Variants in SIL1 observed in about 807,000 individuals in gnomAD.
The protein encoded by SIL1 is nucleotide exchange factor SIL1.
In SIL1, 40 loss-of-function variants were observed where a neutral mutation model predicts 49.1. The observed-to-expected ratio is 0.81, with a 90% CI of 0.63 to 1.06. SIL1 has a LOEUF of 1.06. Among genes scored for constraint, SIL1 ranks in the 50% least tolerant of loss-of-function variants. The pLI is 0.00. For synonymous variants in SIL1, 253 were observed against 250.8 expected, an observed-to-expected ratio of 1.01 and a Z score of -0.08; for missense variants, 500 against 572.6, an observed-to-expected ratio of 0.87 and a Z score of 1.29.
intron 1 of SIL1, among the ~76,000 whole-genome samples, chr5:139,183,743 T>C (rs2151820749): frequency 6.6e-6 from 1 of 152,276 alleles, no homozygotes; most frequent in African/African-American, 2.4e-5. Context: ...GCAGGCTGTG[T>C]ATGGTAAGAA....
rs1218867998 is a variant in SIL1, at chr5:138,967,075, A to G, written c.768-15191T>C. On this transcript the variant is annotated intron_variant, in intron 7 of 9. Transcript: ENST00000394817. The stretch of plus-strand genomic sequence containing the variant: ...TTATGATGCCCTGGCAACATCCTCC[A>G]TCGTTGTGTTTCTGAGAGCTGGACC... Among the ~76,000 whole-genome samples the G allele has an allele frequency of 1.3e-5, 2 of 152,152 alleles. 1 individual carries two copies. The highest frequency in any genetic ancestry group is 3.8e-4 in the East Asian group (2 of 5,200).
chr5:139,056,220 A>G (rs1299666396), intron 3 of SIL1, among the ~76,000 whole-genome samples: 2 of 144,376 alleles, frequency 1.4e-5, no homozygotes, highest in African/African-American at 5.2e-5. Context: ...CCATCTAGGA[A>G]GTGAGGAGCG....
chr5:139,160,606 A>G (rs1751492755), intron 1 of SIL1, among the ~76,000 whole-genome samples: 1 of 152,200 alleles, frequency 6.6e-6, no homozygotes, highest in Non-Finnish European at 1.5e-5. Flanking sequence ...TGGGAGGCCG[A>G]GGCAGGCAGA....
At chr5:139,057,037 G>A (rs968068823) in intron 3 of SIL1, among the ~76,000 whole-genome samples, 3 of 152,138 alleles carry the variant, frequency 2.0e-5, no homozygotes, top group Non-Finnish European at 2.9e-5. Context: ...TGTGCTCTCT[G>A]AAACATGTGC....
chr5:139,082,253 CTGA>C (rs1770097408), intron 3 of SIL1, among the ~76,000 whole-genome samples: 1 of 152,198 alleles, frequency 6.6e-6, no homozygotes. Context: ...AGCCTTCAGG[CTGA>C]TGATAGAACT....
At chr5:138,953,927 G>C (rs1183723400) in intron 7 of SIL1, among the ~76,000 whole-genome samples, 1 of 152,204 alleles carries the variant, frequency 6.6e-6, no homozygotes, top group Non-Finnish European at 1.5e-5. Flanking sequence ...TGGGCCCTCA[G>C]AGCAGCAGAG....
At chr5:139,019,380 G>A (rs1330614922) in intron 7 of SIL1, among the ~76,000 whole-genome samples, 1 of 152,174 alleles carries the variant, frequency 6.6e-6, no homozygotes, top group East Asian at 1.9e-4. Flanking sequence ...TTGGGAGCCT[G>A]CTGTTGGCTT....
intron 7 of SIL1, among the ~76,000 whole-genome samples, chr5:138,963,108 A>C (rs950862390): frequency 6.6e-6 from 1 of 152,140 alleles, no homozygotes; most frequent in Non-Finnish European, 1.5e-5. Context: ...GGTCTTCTAT[A>C]CTCAGTTGGT....
chr5:139,094,223 A>G (rs1454447883), intron 3 of SIL1, among the ~76,000 whole-genome samples: 1 of 152,236 alleles, frequency 6.6e-6, no homozygotes, highest in East Asian at 1.9e-4. Flanking sequence ...ATCTCAAAAG[A>G]GAAACAAAGG....
At chr5:139,033,376 T>C (rs1581045641) in intron 5 of SIL1, among the ~76,000 whole-genome samples, 1 of 152,004 alleles carries the variant, frequency 6.6e-6, no homozygotes, top group Middle Eastern at 3.4e-3. Context: ...TCAATTTCAT[T>C]GATTTCTGCT....
At chr5:138,950,960 A>G (rs1766757717) in intron 9 of SIL1, among the ~76,000 whole-genome samples, 1 of 152,064 alleles carries the variant, frequency 6.6e-6, no homozygotes, top group South Asian at 2.1e-4. Context: ...CCCACTCCTC[A>G]TCAGCCCTCA....
intron 1 of SIL1, among the ~76,000 whole-genome samples, chr5:139,130,031 A>G (rs1271793464): frequency 1.3e-5 from 2 of 152,200 alleles, no homozygotes; most frequent in Non-Finnish European, 1.5e-5. Flanking sequence ...CAATAAAAAG[A>G]CAAGTATCCC....
chr5:139,038,546 C>G (rs967067409), intron 5 of SIL1, among the ~76,000 whole-genome samples: 4 of 152,202 alleles, frequency 2.6e-5, no homozygotes, highest in Non-Finnish European at 5.9e-5. Context: ...TGGTCAGTTT[C>G]TTGTATGGGT....
intron 5 of SIL1, chr5:139,035,267 A>G: frequency 2.0e-6 from 1 of 511,950 alleles, no homozygotes; most frequent in South Asian, 1.5e-5. Context: ...TAATGGTTCT[A>G]GAGAGTTCTC....
intron 7 of SIL1, among the ~76,000 whole-genome samples, chr5:139,002,858 C>A (rs1768017236): frequency 6.6e-6 from 1 of 152,198 alleles, no homozygotes; most frequent in South Asian, 2.1e-4. Context: ...GAATCTCTCC[C>A]AGTTTCATTT....
At chr5:139,075,247 A>T (rs923891127) in intron 3 of SIL1, among the ~76,000 whole-genome samples, 3 of 152,150 alleles carry the variant, frequency 2.0e-5, no homozygotes, top group African/African-American at 7.2e-5. Context: ...GTCCTAACCA[A>T]CCTGGACAGG....
At chr5:138,960,764 C>T (rs567425622) in intron 7 of SIL1, among the ~76,000 whole-genome samples, 46 of 152,296 alleles carry the variant, frequency 3.0e-4, no homozygotes, top group Non-Finnish European at 5.4e-4. Flanking sequence ...CTCAAATCTA[C>T]GTCTTTATTA....
At chr5:139,030,855 G>T (rs1768775112) in intron 5 of SIL1, among the ~76,000 whole-genome samples, 1 of 152,006 alleles carries the variant, frequency 6.6e-6, no homozygotes, top group Non-Finnish European at 1.5e-5. Flanking sequence ...TATTACTATT[G>T]CTTTTTCATT....
chr5:139,173,324 C>G (rs1017905054), intron 1 of SIL1, among the ~76,000 whole-genome samples: 4 of 152,092 alleles, frequency 2.6e-5, no homozygotes, highest in African/African-American at 9.7e-5. Flanking sequence ...CCAAGGCAGG[C>G]AGATCACTTG....
Sources: gnomAD v4.1 joint callset for allele counts (sites outside exome capture counted in the v4.1 genomes callset) on GRCh38, gnomAD v4.1.1 for gene constraint, MANE v1.5 for transcripts, NCBI Gene and HGNC (gene_info 2026-07-23, HGNC 2026-07-21) for gene names.